The following TSHR variants were observed in gnomAD, a reference collection of about 807,000 sequenced individuals.
TSHR encodes thyroid stimulating hormone receptor.
A neutral mutation model predicts 64.1 loss-of-function variants in TSHR; 51 were observed. The ratio of observed to expected loss-of-function variants is 0.80; its 90% CI spans 0.64 to 1.01. The LOEUF (loss-of-function observed/expected upper bound fraction) is 1.01, where lower values mean the gene tolerates loss of function less well. TSHR is among the 50% of genes least tolerant of loss of function. The pLI, the probability that TSHR is intolerant of heterozygous loss-of-function variation, is 0.00. For synonymous variants in TSHR, 361 were observed against 361.9 expected, an observed-to-expected ratio of 1.00 and a Z score of 0.03; for missense variants, 877 against 942.8, an observed-to-expected ratio of 0.93 and a Z score of 0.91.
intron 7 of TSHR, among the ~76,000 whole-genome samples, chr14:81,102,285 T>C (rs1048546865): frequency 2.0e-5 from 3 of 152,100 alleles, no homozygotes; most frequent in African/African-American, 7.2e-5. Context: ...CCTCAGACCA[T>C]ATCATGGATT....
chr14:81,133,818 G>A (rs892764529), intron 8 of TSHR, among the ~76,000 whole-genome samples: 17 of 152,016 alleles, frequency 1.1e-4, no homozygotes, highest in African/African-American at 3.9e-4. Flanking sequence ...AGAAATCACA[G>A]AAAAGAGAAA....
Position 80,997,331 on chromosome 14 carries a change from A to G in TSHR, c.170+41481A>G, listed in dbSNP as rs148845256. Among the ~76,000 whole-genome samples, 18 of 152,350 alleles carry G rather than the reference A, an allele frequency of 1.2e-4. 1 individual carries two copies. The East Asian group carries it at 3.5e-3, about 29-fold the overall frequency. The stretch of plus-strand genomic sequence containing the variant: ...CCACCTCGGGATAATTCTGTGAGCT[A>G]AACACGGACAAATAGTAACATTCAC... On this transcript the variant is annotated intron_variant, in intron 1 of 9. Coordinates refer to ENST00000298171, the MANE Select transcript of TSHR (RefSeq NM_000369.5).
intron 1 of TSHR, among the ~76,000 whole-genome samples, chr14:80,965,739 T>C (rs1404991700): frequency 1.3e-5 from 2 of 152,240 alleles, no homozygotes; most frequent in Admixed American, 6.5e-5. Context: ...CTTACTTGGC[T>C]TCATTTCTGT....
chr14:81,027,827 G>C (rs1594970564), intron 1 of TSHR, among the ~76,000 whole-genome samples: 2 of 152,238 alleles, frequency 1.3e-5, no homozygotes, highest in Admixed American at 1.3e-4. Context: ...AATGTAATAA[G>C]TTATCCCTTT....
At chr14:81,093,144 T>C (rs1221780157) in intron 6 of TSHR, among the ~76,000 whole-genome samples, 1 of 152,196 alleles carries the variant, frequency 6.6e-6, no homozygotes, top group Non-Finnish European at 1.5e-5. Context: ...AAGAACTTTA[T>C]AAATTCTGCA....
chr14:81,019,935 T>C (rs1215445186), intron 1 of TSHR, among the ~76,000 whole-genome samples: 1 of 152,240 alleles, frequency 6.6e-6, no homozygotes, highest in Non-Finnish European at 1.5e-5. Context: ...TGCATGTGTC[T>C]TTATAGTAGA....
At chr14:81,134,775 A>G (rs924009597) in intron 8 of TSHR, among the ~76,000 whole-genome samples, 2 of 152,212 alleles carry the variant, frequency 1.3e-5, no homozygotes, top group African/African-American at 2.4e-5. Flanking sequence ...TAAAATGAGA[A>G]TAAGTTATCC....
intron 7 of TSHR, among the ~76,000 whole-genome samples, chr14:81,106,354 C>T (rs948343067): frequency 8.5e-5 from 13 of 152,162 alleles, no homozygotes; most frequent in African/African-American, 2.7e-4. Flanking sequence ...TTAAAGCAAT[C>T]GTCTGTGTCA....
At chr14:81,031,835 C>T (rs563922965) in intron 1 of TSHR, among the ~76,000 whole-genome samples, 1 of 152,334 alleles carries the variant, frequency 6.6e-6, no homozygotes, top group Admixed American at 6.5e-5. Context: ...CTACTGTCCT[C>T]ACCCAGAACC....
At chr14:81,045,727 A>G (rs919250655) in intron 1 of TSHR, among the ~76,000 whole-genome samples, 1 of 152,222 alleles carries the variant, frequency 6.6e-6, no homozygotes, top group African/African-American at 2.4e-5. Context: ...GGGTAATTAC[A>G]CAAATACAAA....
intron 3 of TSHR, among the ~76,000 whole-genome samples, chr14:81,074,726 A>G (rs569399456): frequency 1.3e-5 from 2 of 152,342 alleles, no homozygotes; most frequent in African/African-American, 2.4e-5. Flanking sequence ...AAAAGCTCCA[A>G]TGAGGACTAC....
chr14:81,077,665 G>A (rs956506136), intron 3 of TSHR, among the ~76,000 whole-genome samples: 5 of 152,158 alleles, frequency 3.3e-5, no homozygotes, highest in Non-Finnish European at 5.9e-5. Context: ...TTTAGTTGGA[G>A]TGTTTAATCC....
intron 7 of TSHR, among the ~76,000 whole-genome samples, chr14:81,102,106 A>C (rs888737156): frequency 5.3e-5 from 8 of 150,458 alleles, no homozygotes; most frequent in Admixed American, 2.0e-4. Context: ...CGGGAGGCGG[A>C]GCTTGCAGTG....
chr14:81,052,060 A>C (rs1020859559), intron 1 of TSHR: 6 of 152,056 alleles, frequency 3.9e-5, no homozygotes, highest in African/African-American at 1.4e-4. Context: ...ATGCAATCCC[A>C]ATTGTCTAAT....
At chr14:81,000,746 C>T (rs1889265973) in intron 1 of TSHR, among the ~76,000 whole-genome samples, 1 of 152,076 alleles carries the variant, frequency 6.6e-6, no homozygotes, top group South Asian at 2.1e-4. Context: ...CTTAAGCACT[C>T]TCCAATGCTT....
intron 1 of TSHR, among the ~76,000 whole-genome samples, chr14:80,997,075 C>G (rs994393517): frequency 6.6e-6 from 1 of 152,146 alleles, no homozygotes; most frequent in African/African-American, 2.4e-5. Context: ...CTCACTTATT[C>G]AGCATATCAG....
intron 4 of TSHR, among the ~76,000 whole-genome samples, chr14:81,089,695 A>G (rs1399765616): frequency 6.6e-6 from 1 of 152,212 alleles, no homozygotes; most frequent in Non-Finnish European, 1.5e-5. Context: ...TTTGAAGAAT[A>G]GAAAGATCTT....
chr14:81,120,678 T>C (rs1890754287), intron 8 of TSHR, among the ~76,000 whole-genome samples: 1 of 152,174 alleles, frequency 6.6e-6, no homozygotes. Flanking sequence ...TTGTATTGCC[T>C]AATTGTTCTA....
At position 81,058,778 on chromosome 14, in the gene TSHR, T is replaced by G. The variant is rs142261256; in HGVS notation, c.171-3370T>G. Among the ~76,000 whole-genome samples, 666 of 152,336 alleles carry G rather than the reference T, an allele frequency of 4.4e-3. 9 individuals are homozygous for G. Among genetic ancestry groups the G allele is most frequent in the African/African-American group, 0.015 (643 of 41,596 alleles). ...TTTTCCATAAATATTCAAAATGTAT[T>G]CTGAAATTAAAATAAAATATTTCTA... On this transcript the variant is annotated intron_variant, in intron 1 of 9. Transcript: ENST00000298171.
Sources: allele counts gnomAD v4.1 joint callset (sites outside exome capture counted in the v4.1 genomes callset), GRCh38; gene constraint gnomAD v4.1.1; transcripts MANE v1.5; gene names NCBI Gene and HGNC (gene_info 2026-07-23, HGNC 2026-07-21).